Variants in FAM83H observed in about 807,000 individuals in gnomAD.
FAM83H encodes the protein scaffolding CK1 anchoring protein H.
A neutral mutation model predicts 30.2 loss-of-function variants in FAM83H; 24 were observed. The observed-to-expected ratio is 0.79, with a 90% CI of 0.57 to 1.12. The LOEUF is 1.12. Among genes scored for constraint, FAM83H ranks in the 50% most tolerant of loss-of-function variants. The probability of loss-of-function intolerance (pLI) is 0.00; values close to 1 mark genes in which losing one functional copy is unlikely to be tolerated. For missense variants in FAM83H, 2,038 were observed against 1,773.9 expected, an observed-to-expected ratio of 1.15 and a Z score of -2.67; for synonymous variants, 1,013 against 821.7, an observed-to-expected ratio of 1.23 and a Z score of -3.98.
rs782294305 is a variant in FAM83H at position 143,726,951 on chromosome 8, G to A, written c.2510C>T (p.Ser837Phe). 4.8e-5 allele frequency: 77 copies of A among 1,610,128 alleles called. No individual in the cohort carries two copies. Among genetic ancestry groups the A allele is most frequent in the Non-Finnish European group, 6.1e-5 (72 of 1,179,034 alleles). Residue 837 changes from serine to phenylalanine, a missense_variant, in exon 5 of 5, where the codon TCT (serine) becomes TTT (phenylalanine). Ser to Phe is a radical substitution (Grantham distance 155). Coordinates refer to ENST00000388913, the MANE Select transcript of FAM83H (RefSeq NM_198488.5). ...GSDRLPSRFLSAQSHSTSPQG... is the reference protein window; with the variant it reads ...GSDRLPSRFLFAQSHSTSPQG... ...CGGGGACGTTGAGTGGCTCTGGGCA[G>A]AGAGGAAGCGGGAAGGCAGGCGGTC...
rs781963744 is a variant in FAM83H at position 143,730,480 on chromosome 8, G to A, written c.103C>T (p.Leu35=). Residue 35 remains leucine (L), a synonymous_variant, in exon 2 of 5, where the codon CTG becomes TTG. Coordinates refer to ENST00000388913, the MANE Select transcript of FAM83H (RefSeq NM_198488.5). The part of the protein sequence containing the change: ...KEYYRLAVDA[L]AEGGSEAYSR... ...TAGGCCTCCGAGCCACCCTCGGCCAGTGCATCCACCGCCAGGCGGTAGTAC... is the reference window on the plus strand; with the variant it reads ...TAGGCCTCCGAGCCACCCTCGGCCAATGCATCCACCGCCAGGCGGTAGTAC... The A allele has an allele frequency of 5.0e-6, 8 of 1,609,044 alleles. No individual in the cohort carries two copies. Among genetic ancestry groups the A allele is most frequent in the Admixed American group, 1.7e-5 (1 of 59,872 alleles).
At chr8:143,729,984 AC>A (rs1451695517) in intron 2 of FAM83H, 151 bp downstream of exon 2, 6 of 708,006 alleles carry the variant, frequency 8.5e-6, no homozygotes, top group Non-Finnish European at 1.1e-5. Flanking sequence ...GATGACCGAG[AC>A]CTGGCAGCCC....
At position 143,730,378 on chromosome 8, in the gene FAM83H, G is replaced by C; in HGVS notation, c.205C>G (p.Arg69Gly). The C allele has an allele frequency of 1.9e-6, 3 of 1,613,492 alleles. No homozygotes were observed. Among genetic ancestry groups the C allele is most frequent in the South Asian group, 2.2e-5 (2 of 91,088 alleles). Residue 69 changes from arginine to glycine, a missense_variant, in exon 2 of 5, where the codon CGG (arginine) becomes GGG (glycine). Coordinates refer to ENST00000388913, the MANE Select transcript of FAM83H (RefSeq NM_198488.5). ...EELEHVSRHL[R>G]PPQYVTREPP... is the part of the protein sequence containing the mutation. ...TCTCGGGTAACATACTGCGGAGGCC[G>C]AAGGTGTCGGCTCACATGTTCCAGC... is the stretch of plus-strand genomic sequence containing the variant.
chr8:143,725,156 C>CAG lies in FAM83H; in HGVS notation c.*764_*765insCT, dbSNP rs1818236056. ...AAGCCCAGGCGGGGGAGGGGGGAGACGGGGGGGGGGGGGGGGGAGGGAAGG... is the reference window on the plus strand; with the variant it reads ...AAGCCCAGGCGGGGGAGGGGGGAGACAGGGGGGGGGGGGGGGGGGAGGGAAGG... On this transcript the variant is annotated 3_prime_UTR_variant, in exon 5 of 5. Transcript: ENST00000388913. The CAG allele has an allele frequency of 8.0e-5, 3 of 37,534 alleles. No homozygotes were observed. The highest frequency in any genetic ancestry group is 4.1e-4 in the African/African-American group (3 of 7,312). 2.3% of individuals were successfully genotyped at this position (37,534 alleles called of 1,614,324 possible). A position where few individuals can be genotyped will look rare whatever the true frequency, so the allele number is the denominator to read the frequency against.
chr8:143,731,127 C>CA (rs1554624389), intron 1 of FAM83H, among the ~76,000 whole-genome samples: 4 of 151,102 alleles, frequency 2.6e-5, no homozygotes, highest in African/African-American at 9.8e-5. Flanking sequence ...AACCCCCCCC[C>CA]CCAAATATTT....
intron 1 of FAM83H, chr8:143,731,655 G>A (rs1818525481): frequency 2.0e-6 from 2 of 985,330 alleles, no homozygotes; most frequent in South Asian, 4.7e-5. Flanking sequence ...GCCCCTTGGT[G>A]CCCACAGGGC....
chr8:143,730,542 G>A lies in FAM83H; in HGVS notation c.41C>T (p.Pro14Leu), dbSNP rs573823975. The A allele has an allele frequency of 7.8e-5, 122 of 1,571,340 alleles. No homozygotes were observed. Among genetic ancestry groups the A allele is most frequent in the Non-Finnish European group, 1.0e-4 (116 of 1,157,236 alleles). The change falls in exon 2 of 5, where the codon CCA becomes CTA. Residue 14 changes from proline (P) to leucine (L), a missense_variant. Physicochemically the swap from Pro to Leu is moderately conservative, Grantham distance 98. Coordinates refer to ENST00000388913, the MANE Select transcript of FAM83H (RefSeq NM_198488.5). ...AGGCGGCAGGTACCCGGGTGCCAGT[G>A]GGTTGTCCCCCTGCGAGGAGCTCTG... Reference protein sequence around the residue: ...RSQSSSQGDNPLAPGYLPPHY... With the variant: ...RSQSSSQGDNLLAPGYLPPHY...
intron 1 of FAM83H, chr8:143,731,304 G>A (rs1257935658): frequency 1.0e-6 from 1 of 982,980 alleles, no homozygotes; most frequent in Non-Finnish European, 1.2e-6. Context: ...GGGAGACTGT[G>A]GGTAGGTCAC....
rs1554622011 is a variant in FAM83H at position 143,726,711 on chromosome 8, G to A, written c.2750C>T (p.Pro917Leu). ...ACTGCTCCTGCGCTCCGGCACGGGG[G>A]GCACCGGACTACCCCTGCGCTCGGG... ...AYPERRGSPV[P>L]PVPERRSSPV... Residue 917 changes from proline to leucine, a missense_variant, in exon 5 of 5, where the codon CCC (proline) becomes CTC (leucine). By Grantham distance (98) the Pro-to-Leu change is moderately conservative. Coordinates refer to ENST00000388913, the MANE Select transcript of FAM83H (RefSeq NM_198488.5). 3.1e-6 allele frequency: 5 copies of A among 1,606,470 alleles called. No individual in the cohort carries two copies. The highest frequency in any genetic ancestry group is 1.3e-5 in the African/African-American group (1 of 74,868).
rs1554624000 is a variant in FAM83H at position 143,730,143 on chromosome 8, G to A, written c.440C>T (p.Ala147Val). The A allele has an allele frequency of 6.4e-7, 1 of 1,571,012 alleles. No individual in the cohort carries two copies. The highest frequency in any genetic ancestry group is 1.8e-5 in the Admixed American group (1 of 56,984). The change falls in exon 2 of 5, where the codon GCC (alanine) becomes GTC (valine). Residue 147 changes from alanine to valine, a missense_variant. Coordinates refer to ENST00000388913, the MANE Select transcript of FAM83H (RefSeq NM_198488.5). ...KDEARRMIRS[A>V]QQVVAVVMDM... The stretch of plus-strand genomic sequence containing the variant: ...AAGCCCAAGATGGCGCACCTGCTGG[G>A]CGGAACGGATCATCCTGCGGGCCTC...
Position 143,728,667 on chromosome 8 carries a change from T to C in FAM83H, c.794A>G (p.Glu265Gly). 1.2e-6 allele frequency: 2 copies of C among 1,604,352 alleles called. No homozygotes were observed. The highest frequency in any genetic ancestry group is 1.7e-6 in the Non-Finnish European group (2 of 1,179,852). Residue 265 changes from glutamate (E) to glycine (G), a missense_variant, in exon 5 of 5, where the codon GAG becomes GGG. By Grantham distance (98) the Glu-to-Gly change is moderately conservative. Transcript: ENST00000388913. ...CTCCTCGTCGAAGCTGGAGACCAGCTCTCCTTGGAACACGTGCGCCAGGCT... is the reference window on the plus strand; with the variant it reads ...CTCCTCGTCGAAGCTGGAGACCAGCCCTCCTTGGAACACGTGCGCCAGGCT... ...HRSLAHVFQG[E>G]LVSSFDEEFR...
intron 1 of FAM83H, chr8:143,731,302 G>A: frequency 2.0e-6 from 2 of 983,228 alleles, no homozygotes; most frequent in Non-Finnish European, 2.4e-6. Flanking sequence ...CTGGGAGACT[G>A]TGGGTAGGTC....
At position 143,729,174 on chromosome 8, in the gene FAM83H, G is replaced by T; in HGVS notation, c.597C>A (p.Asn199Lys). 6.2e-7 allele frequency: 1 copy of T among 1,613,732 alleles called. No homozygotes were observed. Among genetic ancestry groups the T allele is most frequent in the Non-Finnish European group, 8.5e-7 (1 of 1,180,024 alleles). ...FLDMADKCRVNLQHVDFLRVR... is the reference protein window; with the variant it reads ...FLDMADKCRVKLQHVDFLRVR... ...GGGAACTCACATCCACGTGCTGCAGGTTGACACGGCACTTGTCGGCCATGT... is the reference window on the plus strand; with the variant it reads ...GGGAACTCACATCCACGTGCTGCAGTTTGACACGGCACTTGTCGGCCATGT... The change falls in exon 3 of 5, where the codon AAC becomes AAA. Residue 199 changes from asparagine to lysine, a missense_variant. By Grantham distance (94) the Asn-to-Lys change is moderately conservative. Coordinates refer to ENST00000388913, the MANE Select transcript of FAM83H (RefSeq NM_198488.5).
At position 143,725,169 on chromosome 8, in the gene FAM83H, G is replaced by T. The variant is rs1231271751; in HGVS notation, c.*752C>A. 2 of 132,544 alleles carry T rather than the reference G, an allele frequency of 1.5e-5. No individual in the cohort carries two copies. Among genetic ancestry groups the T allele is most frequent in the African/African-American group, 2.8e-5 (1 of 36,224 alleles). The allele number at this position is 132,544 out of a possible 1,614,324, so 8.2% of individuals were successfully genotyped here. Reference sequence around the variant, plus strand: ...GGAGGGGGGAGACGGGGGGGGGGGGGGGGGAGGGAAGGAGGAGACCTTGAG... The same window carrying T: ...GGAGGGGGGAGACGGGGGGGGGGGGTGGGGAGGGAAGGAGGAGACCTTGAG... On this transcript the variant is annotated 3_prime_UTR_variant, in exon 5 of 5. Transcript: ENST00000388913.
In FAM83H at chr8:143,725,611, A is replaced by C; in HGVS notation, c.*310T>G. On this transcript the variant is annotated 3_prime_UTR_variant, in exon 5 of 5. Coordinates refer to ENST00000388913, the MANE Select transcript of FAM83H (RefSeq NM_198488.5). Reference sequence around the variant, plus strand: ...TAAAGGGGGCGGGGGGGACTGAGGCACAAAGAGATGGCGGAGCCAGACGCT... The same window carrying C: ...TAAAGGGGGCGGGGGGGACTGAGGCCCAAAGAGATGGCGGAGCCAGACGCT... 3.8e-6 allele frequency: 2 copies of C among 520,790 alleles called. No individual in the cohort carries two copies. Among genetic ancestry groups the C allele is most frequent in the Non-Finnish European group, 3.5e-6 (1 of 289,400 alleles). The allele number at this position is 520,790 out of a possible 1,614,324, so 32.3% of individuals were successfully genotyped here. A position where few individuals can be genotyped will look rare whatever the true frequency, so the allele number is the denominator to read the frequency against.
rs781937260 is a variant in FAM83H at position 143,728,165 on chromosome 8, C to G, written c.1296G>C (p.Gln432His). The change falls in exon 5 of 5, where the codon CAG becomes CAC. Residue 432 changes from glutamine to histidine, a missense_variant. Physicochemically the swap from Gln to His is conservative, Grantham distance 24 (BLOSUM62 0). Coordinates refer to ENST00000388913, the MANE Select transcript of FAM83H (RefSeq NM_198488.5). The stretch of plus-strand genomic sequence containing the variant: ...AGTCGTCGCCGTGGCTGAGGAACGT[C>G]TGCCGCGACACCTGCCGCGCGGCCG... The part of the protein sequence containing the change: ...NFAAARQVSR[Q>H]TFLSHGDDFR... The G allele has an allele frequency of 1.2e-5, 19 of 1,607,936 alleles. No individual in the cohort carries two copies. The highest frequency in any genetic ancestry group is 1.5e-5 in the Non-Finnish European group (18 of 1,179,068).
intron 4 of FAM83H, 72 bp from the exon 5 acceptor site, chr8:143,728,795 G>T: frequency 1.9e-6 from 3 of 1,597,896 alleles, no homozygotes; most frequent in Non-Finnish European, 2.5e-6. Context: ...GCAGCGGGTG[G>T]GGCGCGGAGG....
At position 143,726,282 on chromosome 8, in the gene FAM83H, G is replaced by T; in HGVS notation, c.3179C>A (p.Pro1060Gln). 6.2e-7 allele frequency: 1 copy of T among 1,612,146 alleles called. No homozygotes were observed. The highest frequency in any genetic ancestry group is 1.3e-5 in the African/African-American group (1 of 75,036). The change falls in exon 5 of 5, where the codon CCG becomes CAG. Residue 1060 changes from proline (P) to glutamine (Q), a missense_variant. Coordinates refer to ENST00000388913, the MANE Select transcript of FAM83H (RefSeq NM_198488.5). ...GCTGTTGTGGGTCGGGCCGGGGCTCGGGGCAGGGACCGCACGGTGCTTCTG... is the reference window on the plus strand; with the variant it reads ...GCTGTTGTGGGTCGGGCCGGGGCTCTGGGCAGGGACCGCACGGTGCTTCTG... ...HGQKHRAVPA[P>Q]SPGPTHNSPE...
chr8:143,726,192 C>T lies in FAM83H; in HGVS notation c.3269G>A (p.Cys1090Tyr). 2 of 1,612,392 alleles carry T rather than the reference C, an allele frequency of 1.2e-6. No homozygotes were observed. Among genetic ancestry groups the T allele is most frequent in the African/African-American group, 1.3e-5 (1 of 75,054 alleles). ...LAPDMSDKDK[C>Y]SAIFRSDSLG... ...GCTGTCCGAGCGGAAGATGGCTGAACACTTGTCCTTGTCGGACATATCTGG... is the reference window on the plus strand; with the variant it reads ...GCTGTCCGAGCGGAAGATGGCTGAATACTTGTCCTTGTCGGACATATCTGG... Residue 1090 changes from cysteine (C) to tyrosine (Y), a missense_variant, in exon 5 of 5, where the codon TGT becomes TAT. By Grantham distance (194) the Cys-to-Tyr change is radical. Transcript: ENST00000388913.
Sources: allele counts gnomAD v4.1 joint callset (sites outside exome capture counted in the v4.1 genomes callset), GRCh38; gene constraint gnomAD v4.1.1; transcripts MANE v1.5; gene names NCBI Gene and HGNC (gene_info 2026-07-23, HGNC 2026-07-21).